The following NT5C2 variants were observed in gnomAD, a reference collection of about 807,000 sequenced individuals.
The protein encoded by NT5C2 is cytosolic purine 5'-nucleotidase.
Under a neutral mutation model 76.1 loss-of-function variants are expected in NT5C2, and 58 were observed. The ratio of observed to expected loss-of-function variants is 0.76; its 90% confidence interval spans 0.62 to 0.95. NT5C2 has a LOEUF of 0.95. Ranked by LOEUF, NT5C2 falls within the 40% of genes least tolerant of loss-of-function variation. The pLI, the probability that NT5C2 is intolerant of heterozygous loss-of-function variation, is 0.00. For missense variants in NT5C2, 478 were observed against 690.3 expected, an observed-to-expected ratio of 0.69 and a Z score of 3.45; for synonymous variants, 229 against 237.4, an observed-to-expected ratio of 0.96 and a Z score of 0.32.
chr10:103,179,277 C>T (rs1487517693), intron 2 of NT5C2, among the ~76,000 whole-genome samples: 5 of 152,028 alleles, frequency 3.3e-5, no homozygotes, highest in African/African-American at 1.2e-4. Flanking sequence ...CTTGCTTTCA[C>T]TTTACTTTAT....
At chr10:103,184,949 T>C (rs542344406) in intron 1 of NT5C2, among the ~76,000 whole-genome samples, 26 of 152,322 alleles carry the variant, frequency 1.7e-4, no homozygotes, top group African/African-American at 6.0e-4. Flanking sequence ...TCTGAAATTG[T>C]AACTAGAAAC....
At chr10:103,143,017 G>GAGAAA (rs1325540024) in intron 3 of NT5C2, among the ~76,000 whole-genome samples, 1 of 149,938 alleles carries the variant, frequency 6.7e-6, no homozygotes, top group Admixed American at 6.7e-5. Context: ...GAATAGAAAA[G>GAGAAA]AGAAAAGAAA....
intron 3 of NT5C2, among the ~76,000 whole-genome samples, chr10:103,149,772 AAG>A (rs2082089232): frequency 6.6e-6 from 1 of 152,114 alleles, no homozygotes; most frequent in African/African-American, 2.4e-5. Context: ...CCTATATTGG[AAG>A]AAAGGTCAAA....
At chr10:103,146,130 GT>G (rs1395216793) in intron 3 of NT5C2, 1 of 985,208 alleles carries the variant, frequency 1.0e-6, no homozygotes, top group African/African-American at 1.7e-5. Flanking sequence ...CCCTAGTATA[GT>G]TTTTTTGTGA....
chr10:103,187,283 C>T (rs2135450790), intron 1 of NT5C2, among the ~76,000 whole-genome samples: 1 of 151,346 alleles, frequency 6.6e-6, no homozygotes, highest in Non-Finnish European at 1.5e-5. Context: ...CAGTGGCTCA[C>T]ATCTGTAATC....
chr10:103,141,087 G>A (rs1384331575), intron 3 of NT5C2, among the ~76,000 whole-genome samples: 1 of 152,168 alleles, frequency 6.6e-6, no homozygotes, highest in African/African-American at 2.4e-5. Flanking sequence ...TCACTGCCGA[G>A]ACCAAGGTCA....
At chr10:103,178,378 C>G (rs554426450) in intron 2 of NT5C2, among the ~76,000 whole-genome samples, 1 of 152,024 alleles carries the variant, frequency 6.6e-6, no homozygotes, top group East Asian at 1.9e-4. Context: ...AAACCCATCT[C>G]TACAAAATAT....
intron 4 of NT5C2, among the ~76,000 whole-genome samples, chr10:103,127,667 C>G (rs1001114630): frequency 4.6e-5 from 7 of 152,180 alleles, no homozygotes; most frequent in African/African-American, 1.7e-4. Flanking sequence ...TCCCAACAAC[C>G]AACTCTCCCA....
intron 12 of NT5C2, among the ~76,000 whole-genome samples, chr10:103,095,167 T>C (rs751234751): frequency 1.3e-5 from 2 of 152,138 alleles, no homozygotes; most frequent in Admixed American, 1.3e-4. Flanking sequence ...ATGGAACTAT[T>C]AGGAAATTTT....
intron 3 of NT5C2, among the ~76,000 whole-genome samples, chr10:103,167,527 A>AT (rs1381272217): frequency 6.6e-6 from 1 of 152,208 alleles, no homozygotes; most frequent in Non-Finnish European, 1.5e-5. Flanking sequence ...TCCATAAGTG[A>AT]TTAAAAGAGA....
At chr10:103,108,024 G>A (rs1342046273) in intron 4 of NT5C2, among the ~76,000 whole-genome samples, 4 of 151,858 alleles carry the variant, frequency 2.6e-5, no homozygotes, top group South Asian at 2.1e-4. Flanking sequence ...ACGTTGTGGC[G>A]GGCACCTGTA....
intron 6 of NT5C2, chr10:103,105,426 G>T: frequency 2.6e-6 from 2 of 762,410 alleles, no homozygotes; most frequent in Non-Finnish European, 3.7e-6. Flanking sequence ...TTTCAAATAA[G>T]TCAAAACTAC....
In NT5C2 at chr10:103,130,654, C is replaced by T. The variant is rs192214645; in HGVS notation, c.175+8752G>A. Among the ~76,000 whole-genome samples, 62 of 150,780 alleles carry T rather than the reference C, an allele frequency of 4.1e-4. No homozygotes were observed. The East Asian group carries it at 0.011, about 27-fold the overall frequency. ...TTATATATTCAGCTTAACATTCCTA[C>T]AGTCCACATATATATTTTTGCTTCA... On this transcript the variant is annotated intron_variant, in intron 4 of 18. Transcript: ENST00000404739.
Position 103,101,118 on chromosome 10 carries a change from C to G in NT5C2, c.482-16G>C. ...AGGTAGGTCTCTGAAAAATGAAGAA[C>G]AGATATTCATAAGCTATAATGAAAT... On this transcript the variant is annotated splice_polypyrimidine_tract_variant and intron_variant, in intron 7 of 18. Coordinates refer to ENST00000404739, the MANE Select transcript of NT5C2 (RefSeq NM_001351169.2). 1 of 1,575,678 alleles carries G rather than the reference C, an allele frequency of 6.3e-7. No homozygotes were observed. The highest frequency in any genetic ancestry group is 8.7e-7 in the Non-Finnish European group (1 of 1,146,040).
Position 103,094,402 on chromosome 10 carries a change from A to C in NT5C2, c.867T>G (p.Asp289Glu). ...CTCCAAAAAAGAGTGGTTTCCGTGCATCCACCAAGATCAAGTCAAAGTAGG... is the reference window on the plus strand; with the variant it reads ...CTCCAAAAAAGAGTGGTTTCCGTGCCTCCACCAAGATCAAGTCAAAGTAGG... The part of the protein sequence containing the change: ...WQSYFDLILV[D>E]ARKPLFFGEG... Residue 289 changes from aspartate (D) to glutamate (E), a missense_variant, in exon 13 of 19, where the codon GAT (aspartate) becomes GAG (glutamate). Physicochemically the swap from Asp to Glu is conservative, Grantham distance 45. Transcript: ENST00000404739. 6.2e-7 allele frequency: 1 copy of C among 1,614,012 alleles called. No homozygotes were observed. The highest frequency in any genetic ancestry group is 8.5e-7 in the Non-Finnish European group (1 of 1,179,922).
At chr10:103,192,739 G>A (rs1396135520) in intron 1 of NT5C2, among the ~76,000 whole-genome samples, 1 of 152,256 alleles carries the variant, frequency 6.6e-6, no homozygotes, top group South Asian at 2.1e-4. Flanking sequence ...GGCGACCGAG[G>A]AGCTCTGGGG....
chr10:103,113,186 G>A lies in NT5C2; in HGVS notation c.176-6480C>T, dbSNP rs1159969189. On this transcript the variant is annotated intron_variant, in intron 4 of 18. Coordinates refer to ENST00000404739, the MANE Select transcript of NT5C2 (RefSeq NM_001351169.2). The stretch of plus-strand genomic sequence containing the variant: ...AACACATTCCCAAATAACTAGATGT[G>A]TAAATAAGTAAAGTGGAGTTTGAGC... 2.6e-5 allele frequency among the ~76,000 whole-genome samples: 4 copies of A among 152,074 alleles called. No homozygotes were observed. The East Asian group carries it at 7.7e-4, about 29-fold the overall frequency.
At chr10:103,101,771 G>C (rs1165828570) in intron 6 of NT5C2, among the ~76,000 whole-genome samples, 1 of 152,068 alleles carries the variant, frequency 6.6e-6, no homozygotes, top group Non-Finnish European at 1.5e-5. Flanking sequence ...AACCAAAGAA[G>C]GGAACACCAT....
At chr10:103,128,025 T>C (rs1318815901) in intron 4 of NT5C2, among the ~76,000 whole-genome samples, 1 of 139,606 alleles carries the variant, frequency 7.2e-6, no homozygotes, top group African/African-American at 2.7e-5. Context: ...AAACAAAAAC[T>C]GTATTTAAAA....
Sources: allele counts gnomAD v4.1 joint callset (sites outside exome capture counted in the v4.1 genomes callset), GRCh38; gene constraint gnomAD v4.1.1; transcripts MANE v1.5; gene names NCBI Gene and HGNC (gene_info 2026-07-23, HGNC 2026-07-21).